The following COG3 variants were observed in gnomAD, a reference collection of about 807,000 sequenced individuals.
COG3 encodes the protein conserved oligomeric Golgi complex subunit 3.
In COG3, 32 loss-of-function variants were observed where a neutral mutation model predicts 114.1. That is an observed-to-expected ratio of 0.28 (90% CI 0.21 to 0.38). The LOEUF is 0.38. Among genes scored for constraint, COG3 ranks in the 10% least tolerant of loss-of-function variants. The pLI, the probability that COG3 is intolerant of heterozygous loss-of-function variation, is 1.00. For missense variants in COG3, 813 were observed against 973.2 expected (o/e 0.84, Z 2.19); for synonymous variants, 352 against 365.7 (o/e 0.96, Z 0.43).
At chr13:45,508,068 T>TAAAAAAAAAAAAAAAAA (rs10571583) in intron 14 of COG3, among the ~76,000 whole-genome samples, 20 of 32,278 alleles carry the variant, frequency 6.2e-4, no homozygotes, top group African/African-American at 2.4e-3. Context: ...AGGTCCAACC[T>TAAAAAAAAAAAAAAAAA]AAAAAAAAAA....
Position 45,535,920 on chromosome 13 carries a change from G to T in COG3, c.*1189G>T. 1.0e-6 allele frequency: 1 copy of T among 980,210 alleles called. No homozygotes were observed. The highest frequency in any genetic ancestry group is 1.2e-6 in the Non-Finnish European group (1 of 823,416). 60.7% of individuals were successfully genotyped at this position (980,210 alleles called of 1,614,324 possible). ...TTTTTCAAACACTAGTCTAGAGGTG[G>T]ACATTGTCAGGGGTTCTGGAATGGG... is the stretch of plus-strand genomic sequence containing the variant. On this transcript the variant is annotated 3_prime_UTR_variant, in exon 23 of 23. Coordinates refer to ENST00000349995, the MANE Select transcript of COG3 (RefSeq NM_031431.4).
At chr13:45,475,056 T>C (rs935084441) in intron 1 of COG3, among the ~76,000 whole-genome samples, 3 of 152,186 alleles carry the variant, frequency 2.0e-5, no homozygotes, top group Non-Finnish European at 4.4e-5. Flanking sequence ...GTGGGCCGCT[T>C]CTGAAACTGA....
chr13:45,491,575 TC>T, intron 10 of COG3, 37 bp downstream of exon 10: 4 of 1,594,988 alleles, frequency 2.5e-6, no homozygotes, highest in Non-Finnish European at 3.4e-6. Flanking sequence ...TGTTAAATCT[TC>T]CTCTTGAGTT....
chr13:45,524,900 C>T (rs1872530793), intron 19 of COG3, 76 bp from the exon 20 acceptor site: 6 of 1,064,018 alleles, frequency 5.6e-6, no homozygotes, highest in Non-Finnish European at 7.0e-6. Flanking sequence ...GAGAGCAGTA[C>T]CACCCTTGAG....
At chr13:45,487,579 T>G (rs2137819411) in intron 8 of COG3, among the ~76,000 whole-genome samples, 1 of 152,288 alleles carries the variant, frequency 6.6e-6, no homozygotes, top group South Asian at 2.1e-4. Context: ...GCAAAGAGAC[T>G]GAGTAGACAT....
At chr13:45,519,115 G>A (rs1871836053) in intron 19 of COG3, 21 bp downstream of exon 19, 1 of 1,611,112 alleles carries the variant, frequency 6.2e-7, no homozygotes, top group Non-Finnish European at 8.5e-7. Flanking sequence ...TGGTGCCTAT[G>A]TGGTAAAGTC....
chr13:45,482,125 A>G lies in COG3; in HGVS notation c.625-256A>G, dbSNP rs190992866. On this transcript the variant is annotated intron_variant, in intron 5 of 22. Transcript: ENST00000349995. ...ATGACATTGTATAGTGGGGTAATAT[A>G]TACCATGTCCTAATTCATGAAGAGT... Among the ~76,000 whole-genome samples, 153 of 152,292 alleles carry G rather than the reference A, an allele frequency of 1.0e-3. 2 individuals are homozygous for G. Among genetic ancestry groups the G allele is most frequent in the Admixed American group, 0.01 (153 of 15,300 alleles).
Position 45,477,551 on chromosome 13 carries a change from C to T in COG3, c.321+1204C>T, listed in dbSNP as rs542643618. On this transcript the variant is annotated intron_variant, in intron 2 of 22. Coordinates refer to ENST00000349995, the MANE Select transcript of COG3 (RefSeq NM_031431.4). Reference sequence around the variant, plus strand: ...TCATACTTGTTTAAGGTCAACTCCCCGCATCCCCCTTTTAAATAATAGATA... The same window carrying T: ...TCATACTTGTTTAAGGTCAACTCCCTGCATCCCCCTTTTAAATAATAGATA... 2.0e-4 allele frequency among the ~76,000 whole-genome samples: 30 copies of T among 152,228 alleles called. 1 individual carries two copies. The South Asian group carries it at 5.0e-3, about 25-fold the overall frequency.
intron 14 of COG3, among the ~76,000 whole-genome samples, chr13:45,505,277 T>C (rs950929258): frequency 6.7e-6 from 1 of 148,662 alleles, no homozygotes; most frequent in Non-Finnish European, 1.5e-5. Context: ...TTGGATTGAA[T>C]AAAATATACT....
chr13:45,496,914 C>G (rs1003168907), intron 13 of COG3, among the ~76,000 whole-genome samples: 1 of 152,146 alleles, frequency 6.6e-6, no homozygotes, highest in Non-Finnish European at 1.5e-5. Flanking sequence ...ACCTCGTGAT[C>G]CGCCCGCCTC....
chr13:45,510,575 C>T (rs1398542619), intron 15 of COG3, among the ~76,000 whole-genome samples: 1 of 152,180 alleles, frequency 6.6e-6, no homozygotes, highest in Non-Finnish European at 1.5e-5. Context: ...GAGGCATATT[C>T]CACATAGAAC....
Position 45,535,183 on chromosome 13 carries a change from T to C in COG3, c.*452T>C, listed in dbSNP as rs994593119. ...CTGAGCATTCCACAGTGAAATGTTA[T>C]TTCTATGCTCTTATTTAATGTAATG... On this transcript the variant is annotated 3_prime_UTR_variant, in exon 23 of 23. Transcript: ENST00000349995. 2 of 987,966 alleles carry C rather than the reference T, an allele frequency of 2.0e-6. No individual in the cohort carries two copies. Among genetic ancestry groups the C allele is most frequent in the Non-Finnish European group, 2.4e-6 (2 of 831,752 alleles). 61.2% of individuals were successfully genotyped at this position (987,966 alleles called of 1,614,324 possible).
At chr13:45,491,385 A>G (rs923054956) in intron 9 of COG3, 27 bp from the exon 10 acceptor site, 2 of 1,586,688 alleles carry the variant, frequency 1.3e-6, no homozygotes, top group Middle Eastern at 1.7e-4. Flanking sequence ...TGAAATGAAA[A>G]GTTTAATCTC....
intron 15 of COG3, 67 bp from the exon 16 acceptor site, chr13:45,511,698 C>T: frequency 8.4e-7 from 1 of 1,193,238 alleles, no homozygotes; most frequent in Non-Finnish European, 1.2e-6. Context: ...CACTTACAGC[C>T]TAGGATATTC....
intron 1 of COG3, among the ~76,000 whole-genome samples, chr13:45,470,952 C>T (rs12585422): frequency 0.056 from 8,465 of 152,312 alleles, 282 homozygotes; most frequent in East Asian, 0.1. Context: ...CCACAGCTCC[C>T]AGTGAGCCAC....
At chr13:45,488,206 A>G (rs1886787646) in intron 8 of COG3, among the ~76,000 whole-genome samples, 1 of 152,086 alleles carries the variant, frequency 6.6e-6, no homozygotes, top group Non-Finnish European at 1.5e-5. Flanking sequence ...GTAGAATGAT[A>G]GATACCAGAG....
intron 15 of COG3, among the ~76,000 whole-genome samples, chr13:45,511,180 A>G (rs775389054): frequency 4.0e-5 from 6 of 150,622 alleles, no homozygotes; most frequent in Non-Finnish European, 5.9e-5. Flanking sequence ...TTTAAACTCC[A>G]TTATGAATTT....
intron 1 of COG3, among the ~76,000 whole-genome samples, chr13:45,471,727 G>GT (rs397953138): frequency 0.55 from 80,781 of 147,788 alleles, 22,504 homozygotes; most frequent in African/African-American, 0.67. Flanking sequence ...CTCAGCTTTT[G>GT]TTTTTTTTTT....
intron 14 of COG3, among the ~76,000 whole-genome samples, chr13:45,508,739 T>A (rs1326872661): frequency 6.6e-6 from 1 of 152,194 alleles, no homozygotes; most frequent in African/African-American, 2.4e-5. Context: ...CAGAAGTGAT[T>A]GTACTTCCCT....
Sources: allele counts gnomAD v4.1 joint callset (sites outside exome capture counted in the v4.1 genomes callset), GRCh38; gene constraint gnomAD v4.1.1; transcripts MANE v1.5; gene names NCBI Gene and HGNC (gene_info 2026-07-23, HGNC 2026-07-21).